DLG2: variants seen among roughly 807,000 people sequenced by gnomAD.
DLG2 encodes the protein discs large MAGUK scaffold protein 2.
Under a neutral mutation model 132.5 loss-of-function variants are expected in DLG2, and 45 were observed. That is an observed-to-expected ratio of 0.34 (90% confidence interval 0.27 to 0.44). The LOEUF (loss-of-function observed/expected upper bound fraction) is 0.44, where lower values mean the gene tolerates loss of function less well. Ranked by LOEUF, DLG2 falls within the 20% of genes least tolerant of loss-of-function variation. DLG2 has a pLI of 1.00. For missense variants in DLG2, 1,045 were observed against 1,196.9 expected, an observed-to-expected ratio of 0.87 and a Z score of 1.87; for synonymous variants, 424 against 419.6, an observed-to-expected ratio of 1.01 and a Z score of -0.13.
chr11:84,108,766 G>C (rs1199933105), intron 9 of DLG2, among the ~76,000 whole-genome samples: 1 of 121,704 alleles, frequency 8.2e-6, no homozygotes, highest in African/African-American at 2.8e-5. Context: ...AAACTTATTG[G>C]AGAGTGCTGA....
intron 7 of DLG2, among the ~76,000 whole-genome samples, chr11:84,282,531 T>C (rs1302629535): frequency 1.3e-5 from 2 of 152,158 alleles, no homozygotes; most frequent in Admixed American, 6.5e-5. Flanking sequence ...TTAAATTTTT[T>C]TAAGTTTCTA....
intron 6 of DLG2, among the ~76,000 whole-genome samples, chr11:84,867,442 GT>G (rs1267850955): frequency 6.6e-6 from 1 of 152,172 alleles, no homozygotes; most frequent in Non-Finnish European, 1.5e-5. Context: ...CAAGGTTCAA[GT>G]TTTGGAAGGT....
intron 7 of DLG2, among the ~76,000 whole-genome samples, chr11:84,385,335 C>A: frequency 6.6e-6 from 1 of 152,032 alleles, no homozygotes; most frequent in Non-Finnish European, 1.5e-5. Flanking sequence ...GTTCTATGAA[C>A]AGGGTAAAGA....
intron 3 of DLG2, among the ~76,000 whole-genome samples, chr11:85,314,517 A>G (rs1437841547): frequency 1.3e-5 from 2 of 151,876 alleles, no homozygotes; most frequent in African/African-American, 4.8e-5. Flanking sequence ...ATACATCCTA[A>G]TTTTGTCAAA....
chr11:84,154,546 T>C (rs2095383947), intron 9 of DLG2, among the ~76,000 whole-genome samples: 2 of 152,162 alleles, frequency 1.3e-5, no homozygotes, highest in South Asian at 4.1e-4. Context: ...ATGTGCATAA[T>C]GTGCAGGTTT....
chr11:85,498,957 T>C (rs1177836952), intron 3 of DLG2, among the ~76,000 whole-genome samples: 1 of 152,104 alleles, frequency 6.6e-6, no homozygotes, highest in Non-Finnish European at 1.5e-5. Flanking sequence ...AGAGGGAAAT[T>C]TATAGCACTA....
intron 2 of DLG2, chr11:85,625,369 G>C (rs145860893): frequency 4.2e-4 from 64 of 152,258 alleles, no homozygotes; most frequent in African/African-American, 1.5e-3. Flanking sequence ...AATTGTGTCT[G>C]GTCTGGACAA....
At chr11:84,643,209 T>C (rs893367982) in intron 6 of DLG2, among the ~76,000 whole-genome samples, 1 of 152,190 alleles carries the variant, frequency 6.6e-6, no homozygotes, top group Non-Finnish European at 1.5e-5. Context: ...GCGAGGTGAT[T>C]AGACTGCCAA....
At chr11:83,965,078 C>T (rs1448115927) in intron 13 of DLG2, among the ~76,000 whole-genome samples, 1 of 151,976 alleles carries the variant, frequency 6.6e-6, no homozygotes, top group African/African-American at 2.4e-5. Flanking sequence ...CTACTTTAAT[C>T]ACACTGTCCT....
intron 12 of DLG2, 28 bp downstream of exon 12, chr11:83,980,476 TAC>T (rs1236572725): frequency 1.9e-6 from 3 of 1,597,866 alleles, no homozygotes; most frequent in East Asian, 2.2e-5. Flanking sequence ...TTTATAAATA[TAC>T]ACACAGTTTT....
intron 9 of DLG2, among the ~76,000 whole-genome samples, chr11:84,103,872 T>C (rs114970772): frequency 0.012 from 1,808 of 152,256 alleles, 28 homozygotes; most frequent in African/African-American, 0.035. Context: ...CATTCATTTA[T>C]ATATAATGTT....
At chr11:84,027,362 C>T (rs549986525) in intron 11 of DLG2, among the ~76,000 whole-genome samples, 211 of 152,188 alleles carry the variant, frequency 1.4e-3, no homozygotes, top group Middle Eastern at 3.4e-3. Flanking sequence ...ATGTATCATA[C>T]TTGTGCTCAT....
At chr11:84,038,943 G>A (rs1033859552) in intron 11 of DLG2, among the ~76,000 whole-genome samples, 3 of 152,012 alleles carry the variant, frequency 2.0e-5, no homozygotes, top group Non-Finnish European at 4.4e-5. Flanking sequence ...CAGCATGGAG[G>A]TAACTTCCCT....
At chr11:84,955,821 T>G (rs2051583226) in intron 6 of DLG2, 1 of 152,352 alleles carries the variant, frequency 6.6e-6, no homozygotes, top group Admixed American at 6.5e-5. Flanking sequence ...CTTAAAATAC[T>G]GATGAGGAAA....
intron 6 of DLG2, among the ~76,000 whole-genome samples, chr11:84,743,123 CTA>C (rs1403110851): frequency 1.3e-5 from 2 of 152,102 alleles, no homozygotes; most frequent in African/African-American, 4.8e-5. Context: ...CAGAGAAGTA[CTA>C]TGTTTACTGT....
Position 84,255,699 on chromosome 11 carries a change from G to A in DLG2, c.520-4408C>T, listed in dbSNP as rs143179926. On this transcript the variant is annotated intron_variant, in intron 7 of 27. Coordinates refer to ENST00000376104, the MANE Select transcript of DLG2 (RefSeq NM_001142699.3). ...CAAACTGGTGACTCAGCAGATTCTA[G>A]TGTCCTTCTTTAATATGCTTTTTTC... Among the ~76,000 whole-genome samples, 440 of 152,200 alleles carry A rather than the reference G, an allele frequency of 2.9e-3. 2 individuals are homozygous for A. The highest frequency in any genetic ancestry group is 9.5e-3 in the African/African-American group (394 of 41,502).
chr11:84,372,638 G>C (rs941056287), intron 7 of DLG2, among the ~76,000 whole-genome samples: 10 of 152,100 alleles, frequency 6.6e-5, no homozygotes, highest in Admixed American at 5.9e-4. Flanking sequence ...TTGATTTAAG[G>C]CTATTCTGTT....
At chr11:83,814,198 A>C (rs557547340) in intron 17 of DLG2, among the ~76,000 whole-genome samples, 1 of 152,296 alleles carries the variant, frequency 6.6e-6, no homozygotes, top group East Asian at 1.9e-4. Flanking sequence ...TATACATACA[A>C]GGCAAGTACT....
chr11:85,310,466 T>C (rs2080245083), intron 3 of DLG2, among the ~76,000 whole-genome samples: 1 of 152,192 alleles, frequency 6.6e-6, no homozygotes, highest in African/African-American at 2.4e-5. Flanking sequence ...TCCTGACTTA[T>C]AAGAAGTCCC....
Sources: allele counts gnomAD v4.1 joint callset (sites outside exome capture counted in the v4.1 genomes callset), GRCh38; gene constraint gnomAD v4.1.1; transcripts MANE v1.5; gene names NCBI Gene and HGNC (gene_info 2026-07-23, HGNC 2026-07-21).